ETV6: variants seen among roughly 807,000 people sequenced by gnomAD.
ETV6 encodes the protein transcription factor ETV6.
ETV6 carries 16 observed loss-of-function variants against 51.1 expected under a neutral mutation model. That is an observed-to-expected ratio of 0.31 (90% CI 0.21 to 0.48). ETV6 has a LOEUF of 0.48. Among genes scored for constraint, ETV6 ranks in the 20% least tolerant of loss-of-function variants. ETV6 has a pLI of 0.99. For synonymous variants in ETV6, 240 were observed against 224.1 expected, an observed-to-expected ratio of 1.07 and a Z score of -0.64; for missense variants, 458 against 594.8, an observed-to-expected ratio of 0.77 and a Z score of 2.39.
rs545483716 is a variant in ETV6 at position 11,863,147 on chromosome 12, G to A, written c.464-6277G>A. On this transcript the variant is annotated intron_variant, in intron 4 of 7. Coordinates refer to ENST00000396373, the MANE Select transcript of ETV6 (RefSeq NM_001987.5). ...CCTTTGCTCTCCCTGGAAACTTATC[G>A]GTCAAAACTTTCACTAAAGGCAGTT... Among the ~76,000 whole-genome samples the A allele has an allele frequency of 7.3e-4, 111 of 152,230 alleles. 1 individual carries two copies. Among genetic ancestry groups the A allele is most frequent in the African/African-American group, 2.6e-3 (106 of 41,504 alleles).
chr12:11,789,107 A>C (rs146761364), intron 2 of ETV6, among the ~76,000 whole-genome samples: 2,049 of 152,162 alleles, frequency 0.013, 51 homozygotes, highest in African/African-American at 0.047. Context: ...ATCTCTGCTC[A>C]CTGCAACCTC....
At chr12:11,652,832 A>C (rs897761530) in intron 1 of ETV6, among the ~76,000 whole-genome samples, 2 of 152,240 alleles carry the variant, frequency 1.3e-5, no homozygotes, top group Non-Finnish European at 2.9e-5. Context: ...AAGATGGCTC[A>C]TGTGGTGGTC....
intron 1 of ETV6, among the ~76,000 whole-genome samples, chr12:11,677,866 A>T (rs1864451268): frequency 6.6e-6 from 1 of 152,248 alleles, no homozygotes; most frequent in African/African-American, 2.4e-5. Flanking sequence ...ACACCTGCTC[A>T]TCCTTGACAT....
chr12:11,778,330 C>T (rs1436467327), intron 2 of ETV6, among the ~76,000 whole-genome samples: 1 of 152,218 alleles, frequency 6.6e-6, no homozygotes. Flanking sequence ...ACACACACTC[C>T]TGTGTTTAAT....
chr12:11,672,341 TA>T (rs1864333960), intron 1 of ETV6, among the ~76,000 whole-genome samples: 1 of 152,130 alleles, frequency 6.6e-6, no homozygotes, highest in East Asian at 1.9e-4. Context: ...ATCCTCCAAA[TA>T]AAATCTATCT....
intron 2 of ETV6, among the ~76,000 whole-genome samples, chr12:11,760,876 A>ATGTG (rs1285515591): frequency 9.3e-4 from 67 of 71,914 alleles, no homozygotes; most frequent in African/African-American, 2.1e-3. Context: ...ATTATTATAT[A>ATGTG]TATGTGTGTG....
intron 1 of ETV6, among the ~76,000 whole-genome samples, chr12:11,731,201 C>T (rs1300440634): frequency 1.3e-5 from 2 of 152,196 alleles, no homozygotes; most frequent in Non-Finnish European, 2.9e-5. Context: ...CTTTAGGATA[C>T]TGTGATGTAT....
At chr12:11,748,137 C>G in intron 1 of ETV6, among the ~76,000 whole-genome samples, 1 of 152,172 alleles carries the variant, frequency 6.6e-6, no homozygotes, top group East Asian at 1.9e-4. Context: ...CAGGTTTCTT[C>G]ACAGTGATGG....
intron 1 of ETV6, among the ~76,000 whole-genome samples, chr12:11,737,884 A>G (rs538227606): frequency 1.3e-5 from 2 of 152,256 alleles, no homozygotes; most frequent in Admixed American, 6.5e-5. Flanking sequence ...TTGTAGTTTT[A>G]GGGGGAAGCA....
chr12:11,857,133 C>T (rs919184575), intron 4 of ETV6, among the ~76,000 whole-genome samples: 1 of 152,270 alleles, frequency 6.6e-6, no homozygotes, highest in East Asian at 1.9e-4. Context: ...TGGCCACAAA[C>T]TTAACCAGTT....
chr12:11,800,761 G>C (rs1168220947), intron 2 of ETV6, among the ~76,000 whole-genome samples: 2 of 152,090 alleles, frequency 1.3e-5, no homozygotes, highest in Admixed American at 1.3e-4. Context: ...AGGGGGACCA[G>C]TTACTCCCCA....
intron 1 of ETV6, among the ~76,000 whole-genome samples, chr12:11,742,474 AT>A (rs1166800773): frequency 6.6e-6 from 1 of 152,270 alleles, no homozygotes; most frequent in East Asian, 1.9e-4. Context: ...TCTGGAAAAA[AT>A]TTTTTTAAAG....
At chr12:11,733,469 G>A (rs979658054) in intron 1 of ETV6, among the ~76,000 whole-genome samples, 5 of 145,648 alleles carry the variant, frequency 3.4e-5, no homozygotes, top group African/African-American at 5.1e-5. Flanking sequence ...TCAAGCCCCC[G>A]CACCGTGTTT....
intron 3 of ETV6, chr12:11,840,783 T>C (rs888078481): frequency 3.5e-6 from 1 of 286,984 alleles, no homozygotes; most frequent in African/African-American, 2.2e-5. Context: ...ACCTGAAACA[T>C]TTTGTCTCAT....
chr12:11,795,831 A>G (rs183178961), intron 2 of ETV6, among the ~76,000 whole-genome samples: 90 of 152,364 alleles, frequency 5.9e-4, no homozygotes, highest in African/African-American at 1.9e-3. Flanking sequence ...GGTTAAGAAT[A>G]GTGTCCACTT....
intron 1 of ETV6, among the ~76,000 whole-genome samples, chr12:11,746,591 G>A (rs1040382694): frequency 5.3e-5 from 8 of 152,050 alleles, no homozygotes; most frequent in African/African-American, 7.3e-5. Flanking sequence ...AAAAGGACAC[G>A]GAACTTTAAA....
rs1947289863 is a variant in ETV6 at position 11,891,672 on chromosome 12, T to G, written c.*626T>G. The G allele has an allele frequency of 3.9e-6, 2 of 511,602 alleles. No individual in the cohort carries two copies. The highest frequency in any genetic ancestry group is 7.5e-6 in the Non-Finnish European group (2 of 266,556). 31.7% of individuals were successfully genotyped at this position (511,602 alleles called of 1,614,324 possible). ...TCTTTTTCTCTCTCTTGCTCTGTTC[T>G]TCCCTTGGTCCCCTCTGTCCTCCCG... is the stretch of plus-strand genomic sequence containing the variant. On this transcript the variant is annotated 3_prime_UTR_variant, in exon 8 of 8. Coordinates refer to ENST00000396373, the MANE Select transcript of ETV6 (RefSeq NM_001987.5).
intron 2 of ETV6, among the ~76,000 whole-genome samples, chr12:11,809,438 C>T (rs943844656): frequency 3.9e-5 from 6 of 152,142 alleles, no homozygotes; most frequent in African/African-American, 1.4e-4. Flanking sequence ...TTGATTTCCT[C>T]TTCTAATAAA....
chr12:11,693,744 T>C (rs908035869), intron 1 of ETV6, among the ~76,000 whole-genome samples: 1 of 152,224 alleles, frequency 6.6e-6, no homozygotes, highest in African/African-American at 2.4e-5. Context: ...TGTCCCCAGC[T>C]GCTTCCATCC....
Sources: allele counts gnomAD v4.1 joint callset (sites outside exome capture counted in the v4.1 genomes callset), GRCh38; gene constraint gnomAD v4.1.1; transcripts MANE v1.5; gene names NCBI Gene and HGNC (gene_info 2026-07-23, HGNC 2026-07-21).